POLR1A: variants seen among roughly 807,000 people sequenced by gnomAD.
POLR1A encodes the protein RNA polymerase I subunit A.
In POLR1A, 84 loss-of-function variants were observed where a neutral mutation model predicts 205.3. The ratio of observed to expected loss-of-function variants is 0.41; its 90% CI spans 0.34 to 0.49. The LOEUF is 0.49. Ranked by LOEUF, POLR1A falls within the 20% of genes least tolerant of loss-of-function variation. The pLI, the probability that POLR1A is intolerant of heterozygous loss-of-function variation, is 0.22. For missense variants in POLR1A, 1,645 were observed against 2,204.5 expected (o/e 0.75, Z 5.08); for synonymous variants, 799 against 863.7 (o/e 0.93, Z 1.31).
At chr2:86,071,590 G>C (rs1673182086) in intron 12 of POLR1A, among the ~76,000 whole-genome samples, 1 of 152,156 alleles carries the variant, frequency 6.6e-6, no homozygotes, top group Non-Finnish European at 1.5e-5. Flanking sequence ...AGGGAAAACA[G>C]AAAATACAAT....
intron 12 of POLR1A, among the ~76,000 whole-genome samples, chr2:86,073,215 A>C (rs56918034): frequency 0.85 from 120,134 of 141,188 alleles, 49,614 homozygotes; most frequent in Non-Finnish European, 0.9. Context: ...AAATAAAATA[A>C]AAAAAAAAAA....
At chr2:86,098,560 C>G in intron 3 of POLR1A, 51 bp downstream of exon 3, 1 of 1,584,012 alleles carries the variant, frequency 6.3e-7, no homozygotes, top group South Asian at 1.1e-5. Context: ...TCTCTTGTTC[C>G]CCACACCACT....
chr2:86,023,392 C>T lies in POLR1A; in HGVS notation c.*4031G>A, dbSNP rs1329041237. On this transcript the variant is annotated 3_prime_UTR_variant, in exon 34 of 34. Transcript: ENST00000263857. ...TTTTCTATTTCAAGAGCAGTCTGGACTCTGACAGCCCCTGATTCAGGTGCA... is the reference window on the plus strand; with the variant it reads ...TTTTCTATTTCAAGAGCAGTCTGGATTCTGACAGCCCCTGATTCAGGTGCA... The T allele has an allele frequency of 6.6e-6, 1 of 152,204 alleles. No homozygotes were observed. The highest frequency in any genetic ancestry group is 1.5e-5 in the Non-Finnish European group (1 of 68,048). 9.4% of individuals were successfully genotyped at this position (152,204 alleles called of 1,614,324 possible). A position where few individuals can be genotyped will look rare whatever the true frequency, so the allele number is the denominator to read the frequency against.
rs372309163 is a variant in POLR1A at position 86,042,001 on chromosome 2, T to C, written c.3460A>G (p.Ile1154Val). The C allele has an allele frequency of 1.2e-6, 2 of 1,614,076 alleles. No individual in the cohort carries two copies. The highest frequency in any genetic ancestry group is 2.7e-5 in the African/African-American group (2 of 74,936). The change falls in exon 24 of 34, where the codon ATC becomes GTC. Residue 1154 changes from isoleucine to valine, a missense_variant. By Grantham distance (29) the Ile-to-Val change is conservative. Coordinates refer to ENST00000263857, the MANE Select transcript of POLR1A (RefSeq NM_015425.6). ...GTTTCTGACACTGATGCAAAGTAGA[T>C]GTCAGGACGCCAGACAGACAGACTG... is the stretch of plus-strand genomic sequence containing the variant. The part of the protein sequence containing the change: ...DPSLSVWRPD[I>V]YFASVSETFE...
At chr2:86,073,435 G>A (rs2104415517) in intron 12 of POLR1A, among the ~76,000 whole-genome samples, 1 of 152,270 alleles carries the variant, frequency 6.6e-6, no homozygotes, top group Middle Eastern at 3.4e-3. Flanking sequence ...AGAGGAATGA[G>A]GGCTTGCTAA....
At chr2:86,083,878 C>T (rs1673448009) in intron 6 of POLR1A, among the ~76,000 whole-genome samples, 1 of 152,158 alleles carries the variant, frequency 6.6e-6, no homozygotes, top group Admixed American at 6.5e-5. Flanking sequence ...AGCAAGATCA[C>T]TCTGGGATGC....
chr2:86,038,009 G>C (rs919686279), intron 27 of POLR1A, among the ~76,000 whole-genome samples: 4 of 152,178 alleles, frequency 2.6e-5, no homozygotes, highest in African/African-American at 9.7e-5. Flanking sequence ...CACCGTCTAG[G>C]GTTAGCTGGT....
chr2:86,031,533 T>C lies in POLR1A; in HGVS notation c.4375A>G (p.Thr1459Ala). 1 of 1,614,128 alleles carries C rather than the reference T, an allele frequency of 6.2e-7. No individual in the cohort carries two copies. Among genetic ancestry groups the C allele is most frequent in the Non-Finnish European group, 8.5e-7 (1 of 1,180,004 alleles). The change falls in exon 30 of 34, where the codon ACC becomes GCC. Residue 1459 changes from threonine to alanine, a missense_variant. Thr to Ala is a moderately conservative substitution (Grantham distance 58). This residue lies in a region of POLR1A where 394 missense variants were observed against 468.5 expected (regional missense o/e 0.84). Coordinates refer to ENST00000263857, the MANE Select transcript of POLR1A (RefSeq NM_015425.6). ...RNPHREGARKTQEQDEEVGLG... is the reference protein window; with the variant it reads ...RNPHREGARKAQEQDEEVGLG... ...CCCACCTCTTCATCTTGCTCTTGGG[T>C]CTTTCGAGCACCTTCCCTGTGGGGA...
In POLR1A at chr2:86,026,893, C is replaced by T; in HGVS notation, c.*530G>A. 5.9e-6 allele frequency: 1 copy of T among 168,654 alleles called. No individual in the cohort carries two copies. Among genetic ancestry groups the T allele is most frequent in the South Asian group, 1.4e-4 (1 of 6,926 alleles). The allele number at this position is 168,654 out of a possible 1,614,324, so 10.4% of individuals were successfully genotyped here. A position where few individuals can be genotyped will look rare whatever the true frequency, so the allele number is the denominator to read the frequency against. Reference sequence around the variant, plus strand: ...GATGGGGACTCTTTGTGGACTCTGCCCCCAGGGGCTGGAGCAGCCGGAAGG... The same window carrying T: ...GATGGGGACTCTTTGTGGACTCTGCTCCCAGGGGCTGGAGCAGCCGGAAGG... On this transcript the variant is annotated 3_prime_UTR_variant, in exon 34 of 34. Transcript: ENST00000263857.
At chr2:86,098,276 T>C (rs772368889) in intron 3 of POLR1A, among the ~76,000 whole-genome samples, 5 of 152,208 alleles carry the variant, frequency 3.3e-5, no homozygotes, top group Non-Finnish European at 7.3e-5. Context: ...ATTTTCTACA[T>C]TACAATGTTC....
intron 22 of POLR1A, among the ~76,000 whole-genome samples, 169 bp downstream of exon 22, chr2:86,043,970 G>A (rs139312617): frequency 3.3e-5 from 5 of 152,210 alleles, no homozygotes; most frequent in African/African-American, 1.2e-4. Flanking sequence ...CACAGGCTTT[G>A]AAATTGTCAA....
At chr2:86,041,555 A>G (rs1672607673) in intron 24 of POLR1A, among the ~76,000 whole-genome samples, 1 of 152,178 alleles carries the variant, frequency 6.6e-6, no homozygotes, top group South Asian at 2.1e-4. Flanking sequence ...CACGGTTGGC[A>G]GCAGGTGAAC....
chr2:86,059,854 CCAT>C (rs1335551729), intron 14 of POLR1A, among the ~76,000 whole-genome samples: 1 of 152,154 alleles, frequency 6.6e-6, no homozygotes, highest in African/African-American at 2.4e-5. Context: ...GCATAATCCA[CCAT>C]GCCTGGCCTC....
At chr2:86,077,133 C>A (rs1378014690) in intron 11 of POLR1A, among the ~76,000 whole-genome samples, 1 of 152,150 alleles carries the variant, frequency 6.6e-6, no homozygotes, top group Non-Finnish European at 1.5e-5. Context: ...GGGTGGCGTG[C>A]AAGGAAATGA....
intron 1 of POLR1A, among the ~76,000 whole-genome samples, chr2:86,102,812 T>A (rs761109055): frequency 2.6e-5 from 4 of 152,236 alleles, no homozygotes; most frequent in African/African-American, 2.4e-5. Flanking sequence ...ATCAATAGAC[T>A]TAGGTTTGAA....
In POLR1A at chr2:86,026,992, C is replaced by A. The variant is rs906889799; in HGVS notation, c.*431G>T. On this transcript the variant is annotated 3_prime_UTR_variant, in exon 34 of 34. Transcript: ENST00000263857. The stretch of plus-strand genomic sequence containing the variant: ...CAGGAATCTTGTCTGTTGTCCCTGG[C>A]CACTCACAGCAAAAGAACCCCGCTT... 8 of 181,408 alleles carry A rather than the reference C, an allele frequency of 4.4e-5. No individual in the cohort carries two copies. Among genetic ancestry groups the A allele is most frequent in the Non-Finnish European group, 8.3e-5 (7 of 84,094 alleles). 11.2% of individuals were successfully genotyped at this position (181,408 alleles called of 1,614,324 possible).
chr2:86,060,538 A>G (rs1460283682), intron 14 of POLR1A, among the ~76,000 whole-genome samples: 1 of 152,190 alleles, frequency 6.6e-6, no homozygotes, highest in Non-Finnish European at 1.5e-5. Context: ...ACCCACTCAT[A>G]TATTACTACT....
At chr2:86,049,794 G>A (rs1469002896) in intron 16 of POLR1A, among the ~76,000 whole-genome samples, 1 of 152,184 alleles carries the variant, frequency 6.6e-6, no homozygotes, top group African/African-American at 2.4e-5. Context: ...CATTGCTTCA[G>A]GAGGATGACA....
intron 14 of POLR1A, among the ~76,000 whole-genome samples, chr2:86,057,129 A>C (rs1672910930): frequency 6.6e-6 from 1 of 152,258 alleles, no homozygotes; most frequent in Non-Finnish European, 1.5e-5. Flanking sequence ...TCTAGATGTC[A>C]TTAAAAAATT....
Sources: gnomAD v4.1 joint callset for allele counts (sites outside exome capture counted in the v4.1 genomes callset) on GRCh38, gnomAD v4.1.1 for gene constraint, gnomAD v4.1.1 regional missense constraint, MANE v1.5 for transcripts, NCBI Gene and HGNC (gene_info 2026-07-23, HGNC 2026-07-21) for gene names.